The following SORCS3 variants were observed in gnomAD, a reference collection of about 807,000 sequenced individuals.
SORCS3 encodes the protein VPS10 domain-containing receptor SorCS3.
In SORCS3, 57 loss-of-function variants were observed where a neutral mutation model predicts 146.3. That is an observed-to-expected ratio of 0.39 (90% CI 0.31 to 0.49). SORCS3 has a LOEUF of 0.49. Among genes scored for constraint, SORCS3 ranks in the 20% least tolerant of loss-of-function variants. The pLI is 0.92. For missense variants in SORCS3, 1,341 were observed against 1,575.5 expected (o/e 0.85, Z 2.52); for synonymous variants, 653 against 618.5 (o/e 1.06, Z -0.83).
intron 14 of SORCS3, among the ~76,000 whole-genome samples, chr10:105,194,482 A>C (rs1327135985): frequency 6.6e-6 from 1 of 152,194 alleles, no homozygotes; most frequent in African/African-American, 2.4e-5. Context: ...TTTCTGAAAA[A>C]GGCTGTCAAA....
intron 1 of SORCS3, among the ~76,000 whole-genome samples, chr10:104,713,104 A>G (rs957057360): frequency 2.8e-5 from 4 of 143,836 alleles, no homozygotes; most frequent in African/African-American, 1.0e-4. Context: ...AGTGCAATAT[A>G]CCAGCCTTTC....
Position 105,164,259 on chromosome 10 carries a change from T to C in SORCS3, c.1733-44T>C, listed in dbSNP as rs776996505. 7.4e-6 allele frequency: 11 copies of C among 1,484,586 alleles called. No homozygotes were observed. In the South Asian group the frequency reaches 9.1e-5, roughly 12 times the overall value. 92.0% of individuals were successfully genotyped at this position (1,484,586 alleles called of 1,614,324 possible). A position where few individuals can be genotyped will look rare whatever the true frequency, so the allele number is the denominator to read the frequency against. Reference sequence around the variant, plus strand: ...ATCCCTCAGCCCTAAGCACACTTAATTGGTAAACTCCTGACAATCTCAAAT... The same window carrying C: ...ATCCCTCAGCCCTAAGCACACTTAACTGGTAAACTCCTGACAATCTCAAAT... On this transcript the variant is annotated intron_variant, in intron 11 of 26. Coordinates refer to ENST00000369701, the MANE Select transcript of SORCS3 (RefSeq NM_014978.3).
chr10:104,800,860 A>G (rs1324544811), intron 1 of SORCS3, among the ~76,000 whole-genome samples: 2 of 152,060 alleles, frequency 1.3e-5, no homozygotes, highest in African/African-American at 4.8e-5. Flanking sequence ...GAGCAAACAC[A>G]TTTCCTTCCC....
intron 9 of SORCS3, among the ~76,000 whole-genome samples, chr10:105,149,584 C>T (rs1282022570): frequency 6.6e-6 from 1 of 152,076 alleles, no homozygotes; most frequent in Non-Finnish European, 1.5e-5. Context: ...GATTAATGTT[C>T]CCAGGACTGA....
intron 3 of SORCS3, among the ~76,000 whole-genome samples, chr10:104,948,245 G>A (rs2019393677): frequency 2.0e-5 from 3 of 152,158 alleles, no homozygotes. Flanking sequence ...ACCTGTATAA[G>A]TCTGTCCACG....
At chr10:104,964,717 G>T (rs2054816607) in intron 3 of SORCS3, among the ~76,000 whole-genome samples, 2 of 152,090 alleles carry the variant, frequency 1.3e-5, no homozygotes, top group Admixed American at 6.6e-5. Flanking sequence ...TTAAAAAATT[G>T]TAGGGATATA....
At chr10:104,806,537 C>T (rs1308756853) in intron 1 of SORCS3, among the ~76,000 whole-genome samples, 2 of 152,142 alleles carry the variant, frequency 1.3e-5, no homozygotes, top group African/African-American at 4.8e-5. Context: ...AATATTACAC[C>T]TTGGAATTTA....
chr10:104,875,995 A>G (rs2018567578), intron 2 of SORCS3, among the ~76,000 whole-genome samples: 1 of 152,150 alleles, frequency 6.6e-6, no homozygotes. Flanking sequence ...TTTATCTGAG[A>G]GTTTCTGAAC....
chr10:104,965,761 T>A (rs2054822869), intron 3 of SORCS3, among the ~76,000 whole-genome samples: 1 of 152,184 alleles, frequency 6.6e-6, no homozygotes, highest in African/African-American at 2.4e-5. Context: ...GCCCATTTTT[T>A]AAATAGGATT....
intron 12 of SORCS3, among the ~76,000 whole-genome samples, chr10:105,165,816 T>G (rs928934074): frequency 1.3e-5 from 2 of 152,106 alleles, no homozygotes; most frequent in African/African-American, 2.4e-5. Context: ...TTTCCTCCTT[T>G]CATAAACAGC....
At chr10:105,026,831 T>G (rs548332127) in intron 4 of SORCS3, among the ~76,000 whole-genome samples, 1 of 151,726 alleles carries the variant, frequency 6.6e-6, no homozygotes, top group South Asian at 2.1e-4. Flanking sequence ...CTACAAGAGG[T>G]GGGTGGGGGA....
At chr10:104,866,737 A>G (rs761339292) in intron 2 of SORCS3, among the ~76,000 whole-genome samples, 2 of 152,210 alleles carry the variant, frequency 1.3e-5, no homozygotes, top group Non-Finnish European at 2.9e-5. Flanking sequence ...CAGTTTGGAA[A>G]AGGTGGCCTT....
chr10:105,175,329 G>A (rs1219081315), intron 13 of SORCS3, among the ~76,000 whole-genome samples: 1 of 151,866 alleles, frequency 6.6e-6, no homozygotes, highest in Non-Finnish European at 1.5e-5. Context: ...TAAAGTGCTG[G>A]GATTACAGGC....
intron 16 of SORCS3, among the ~76,000 whole-genome samples, chr10:105,209,934 G>A (rs1202133820): frequency 6.6e-6 from 1 of 152,028 alleles, no homozygotes; most frequent in Non-Finnish European, 1.5e-5. Flanking sequence ...GTCATGTTTG[G>A]GGTATGCTGT....
intron 1 of SORCS3, among the ~76,000 whole-genome samples, chr10:104,804,151 T>A (rs2017656144): frequency 6.6e-6 from 1 of 152,176 alleles, no homozygotes; most frequent in Admixed American, 6.5e-5. Flanking sequence ...TTCACATGGA[T>A]CATCTCACTT....
chr10:105,162,689 C>A, intron 11 of SORCS3, among the ~76,000 whole-genome samples: 1 of 152,088 alleles, frequency 6.6e-6, no homozygotes, highest in East Asian at 1.9e-4. Flanking sequence ...CACCATAAGG[C>A]CCCCAAAATC....
chr10:104,862,285 A>G (rs540273355), intron 2 of SORCS3, among the ~76,000 whole-genome samples: 3 of 152,200 alleles, frequency 2.0e-5, no homozygotes, highest in East Asian at 3.9e-4. Context: ...GAATCTTTCA[A>G]TGATCCACAC....
At chr10:105,028,551 G>A (rs1335431158) in intron 4 of SORCS3, among the ~76,000 whole-genome samples, 1 of 152,096 alleles carries the variant, frequency 6.6e-6, no homozygotes, top group Non-Finnish European at 1.5e-5. Flanking sequence ...GGTGGGTGTG[G>A]TGTTTGAGCA....
At chr10:104,799,550 G>T (rs1178742889) in intron 1 of SORCS3, among the ~76,000 whole-genome samples, 2 of 151,972 alleles carry the variant, frequency 1.3e-5, no homozygotes, top group Non-Finnish European at 2.9e-5. Flanking sequence ...GTTGGGGGTT[G>T]GGGGGCTAGG....
Sources: allele counts gnomAD v4.1 joint callset (sites outside exome capture counted in the v4.1 genomes callset), GRCh38; gene constraint gnomAD v4.1.1; transcripts MANE v1.5; gene names NCBI Gene and HGNC (gene_info 2026-07-23, HGNC 2026-07-21).